RANBP2: variants seen among roughly 807,000 people sequenced by gnomAD.
The protein encoded by RANBP2 is RAN binding protein 2.
In RANBP2, 57 loss-of-function variants were observed where a neutral mutation model predicts 303.6. The observed-to-expected ratio is 0.19, with a 90% CI of 0.15 to 0.23. The LOEUF is 0.23. Among genes scored for constraint, RANBP2 ranks in the 10% least tolerant of loss-of-function variants. RANBP2 has a pLI of 1.00. For missense variants in RANBP2, 3,138 were observed against 3,780.8 expected (o/e 0.83, Z 4.46); for synonymous variants, 1,167 against 1,301.5 (o/e 0.90, Z 2.23).
chr2:109,070,892 C>G, the RANBP2 span, among the ~76,000 whole-genome samples: 2 of 151,726 alleles, frequency 1.3e-5, no homozygotes, highest in African/African-American at 4.8e-5. Flanking sequence ...TGCGGCACCC[C>G]TCCCTTCCCA....
chr2:109,066,554 T>A, the RANBP2 span, among the ~76,000 whole-genome samples: 2 of 152,158 alleles, frequency 1.3e-5, no homozygotes, highest in Non-Finnish European at 2.9e-5. Context: ...TGAGGCTCCC[T>A]CCTACTGAAA....
the RANBP2 span, among the ~76,000 whole-genome samples, chr2:109,263,694 C>T: frequency 2.0e-5 from 3 of 152,246 alleles, no homozygotes; most frequent in South Asian, 4.1e-4. Flanking sequence ...AGGCCGGGTG[C>T]GGTGGCTCAC....
At chr2:109,363,238 T>C in the RANBP2 span, among the ~76,000 whole-genome samples, 3 of 152,142 alleles carry the variant, frequency 2.0e-5, no homozygotes, top group African/African-American at 7.2e-5. Flanking sequence ...CCTCTTTTTT[T>C]ACTTTTTTAA....
chr2:109,272,390 C>T, the RANBP2 span, among the ~76,000 whole-genome samples: 1 of 152,228 alleles, frequency 6.6e-6, no homozygotes, highest in African/African-American at 2.4e-5. Context: ...ACTGTGCAGG[C>T]ACCATGAGGG....
chr2:109,474,611 G>T, the RANBP2 span, among the ~76,000 whole-genome samples: 1 of 152,144 alleles, frequency 6.6e-6, no homozygotes, highest in Non-Finnish European at 1.5e-5. Context: ...GGTTTGGGCA[G>T]GGGGGGAGAA....
At chr2:109,371,621 G>C in the RANBP2 span, 2 of 1,614,076 alleles carry the variant, frequency 1.2e-6, no homozygotes, top group East Asian at 4.5e-5. Flanking sequence ...GAGTGGATGA[G>C]AACTGGGCGG....
chr2:108,742,046 G>C (rs1200096861), intron 7 of RANBP2, among the ~76,000 whole-genome samples: 1 of 151,850 alleles, frequency 6.6e-6, no homozygotes, highest in East Asian at 1.9e-4. Context: ...GCCCAGGCTG[G>C]AGTGCAGTGG....
chr2:108,847,517 A>C, the RANBP2 span, among the ~76,000 whole-genome samples: 1 of 152,214 alleles, frequency 6.6e-6, no homozygotes, highest in African/African-American at 2.4e-5. Flanking sequence ...CACCTAGTGT[A>C]GTGCTTCATA....
chr2:108,994,898 C>T, the RANBP2 span, among the ~76,000 whole-genome samples: 12 of 145,370 alleles, frequency 8.3e-5, no homozygotes, highest in Admixed American at 2.8e-4. Context: ...GGTGCAATCT[C>T]GGCTCACTGC....
At chr2:109,376,603 G>A in the RANBP2 span, among the ~76,000 whole-genome samples, 1 of 152,196 alleles carries the variant, frequency 6.6e-6, no homozygotes, top group Non-Finnish European at 1.5e-5. Context: ...GACAACATCG[G>A]TTGTCCAGGT....
the RANBP2 span, among the ~76,000 whole-genome samples, chr2:109,403,641 T>G: frequency 6.6e-6 from 1 of 152,348 alleles, no homozygotes; most frequent in Middle Eastern, 3.4e-3. Context: ...GCTTTGCTTT[T>G]CTTTTAGGCT....
At chr2:109,609,662 T>G in the RANBP2 span, among the ~76,000 whole-genome samples, 1 of 150,178 alleles carries the variant, frequency 6.7e-6, no homozygotes, top group Non-Finnish European at 1.5e-5. Context: ...GAATCACAAC[T>G]TCAAGACAGA....
chr2:108,876,123 A>T, the RANBP2 span: 1 of 1,605,362 alleles, frequency 6.2e-7, no homozygotes, highest in Non-Finnish European at 8.5e-7. Context: ...TTTACGATTC[A>T]TCTGATGCTT....
chr2:108,970,302 T>C, the RANBP2 span, among the ~76,000 whole-genome samples: 1 of 152,124 alleles, frequency 6.6e-6, no homozygotes, highest in African/African-American at 2.4e-5. Flanking sequence ...CATGAGATGT[T>C]TGGAGTCAGT....
chr2:108,979,671 T>C, the RANBP2 span, among the ~76,000 whole-genome samples: 2 of 151,960 alleles, frequency 1.3e-5, no homozygotes, highest in African/African-American at 4.8e-5. Context: ...AGATTAATCA[T>C]GAAGGATGCA....
At chr2:109,328,615 T>G in the RANBP2 span, among the ~76,000 whole-genome samples, 1 of 152,240 alleles carries the variant, frequency 6.6e-6, no homozygotes, top group African/African-American at 2.4e-5. Flanking sequence ...CGTTCCAGGT[T>G]ATCCAGGATG....
the RANBP2 span, among the ~76,000 whole-genome samples, chr2:109,115,225 TGA>T: frequency 6.6e-6 from 1 of 152,166 alleles, no homozygotes; most frequent in South Asian, 2.1e-4. Flanking sequence ...ATGTTGACAG[TGA>T]GGTGTTAAAG....
the RANBP2 span, among the ~76,000 whole-genome samples, chr2:109,145,771 G>A: frequency 6.6e-6 from 1 of 152,230 alleles, no homozygotes; most frequent in South Asian, 2.1e-4. Flanking sequence ...GAACCCAGGA[G>A]CAGTATTGGT....
chr2:108,819,134 G>A, the RANBP2 span, among the ~76,000 whole-genome samples: 40 of 152,206 alleles, frequency 2.6e-4, no homozygotes, highest in Non-Finnish European at 4.7e-4. Flanking sequence ...GAAACACCAA[G>A]TTAATTGCAA....
Sources: allele counts gnomAD v4.1 joint callset (sites outside exome capture counted in the v4.1 genomes callset), GRCh38; gene constraint gnomAD v4.1.1; transcripts MANE v1.5; gene names NCBI Gene and HGNC (gene_info 2026-07-23, HGNC 2026-07-21).